UNC79: variants seen among roughly 807,000 people sequenced by gnomAD.
The protein encoded by UNC79 is protein unc-79 homolog.
In UNC79, 37 loss-of-function variants were observed where a neutral mutation model predicts 283.1. The ratio of observed to expected loss-of-function variants is 0.13; its 90% CI spans 0.10 to 0.17. The LOEUF (loss-of-function observed/expected upper bound fraction) is 0.17. UNC79 is among the 10% of genes least tolerant of loss of function. The probability of loss-of-function intolerance (pLI) is 1.00; values close to 1 mark genes in which losing one functional copy is unlikely to be tolerated. For synonymous variants in UNC79, 1,107 were observed against 1,200.2 expected, an observed-to-expected ratio of 0.92 and a Z score of 1.61; for missense variants, 2,272 against 3,211.1, an observed-to-expected ratio of 0.71 and a Z score of 7.07.
At chr14:93,603,099 C>A in intron 25 of UNC79, 140 bp from the exon 26 acceptor site, 2 of 953,664 alleles carry the variant, frequency 2.1e-6, no homozygotes, top group Non-Finnish European at 3.1e-6. Context: ...GTATGTAGGA[C>A]TCATCATAGA....
chr14:93,406,138 T>C (rs1292229845), intron 1 of UNC79, among the ~76,000 whole-genome samples: 3 of 152,222 alleles, frequency 2.0e-5, no homozygotes, highest in East Asian at 1.9e-4. Context: ...TTTGATACTA[T>C]AATTGGATGA....
intron 1 of UNC79, chr14:93,466,988 T>A: frequency 1.2e-6 from 1 of 829,966 alleles, no homozygotes; most frequent in Non-Finnish European, 1.5e-6. Context: ...TATTAGGAAG[T>A]CTCCTAATTT....
chr14:93,528,309 A>G (rs2060636938), intron 8 of UNC79, among the ~76,000 whole-genome samples: 1 of 152,236 alleles, frequency 6.6e-6, no homozygotes, highest in African/African-American at 2.4e-5. Context: ...ATTTCTTGAC[A>G]CTATTTATTA....
chr14:93,407,966 T>A (rs527492554), intron 1 of UNC79, among the ~76,000 whole-genome samples: 89 of 152,286 alleles, frequency 5.8e-4, no homozygotes, highest in African/African-American at 2.0e-3. Context: ...AAGCACAGAC[T>A]AACTCTCAGC....
rs1366949639 is a variant in UNC79 at position 93,706,840 on chromosome 14, A to T, written c.7727A>T (p.Gln2576Leu). Residue 2576 changes from glutamine to leucine, a missense_variant, in exon 49 of 49, where the codon CAG (glutamine) becomes CTG (leucine). Physicochemically the swap from Gln to Leu is moderately radical, Grantham distance 113. Coordinates refer to ENST00000555664, the Ensembl canonical transcript of UNC79. ...CTCCGAAAGTGGTTGCAGTGCACTC[A>T]GTTCAAAATGGCCCAGGTGGAGATC... is the stretch of plus-strand genomic sequence containing the variant. 10 of 1,614,224 alleles carry T rather than the reference A, an allele frequency of 6.2e-6. 1 individual carries two copies. Among genetic ancestry groups the T allele is most frequent in the Non-Finnish European group, 8.5e-6 (10 of 1,180,042 alleles).
intron 44 of UNC79, chr14:93,689,875 T>G (rs78945534): frequency 0.013 from 6,402 of 481,404 alleles, 320 homozygotes; most frequent in African/African-American, 0.11. Flanking sequence ...TGTGGAAGAA[T>G]GCTGTGTAAT....
intron 40 of UNC79, among the ~76,000 whole-genome samples, chr14:93,663,103 A>G (rs2071780397): frequency 6.6e-6 from 1 of 152,194 alleles, no homozygotes; most frequent in African/African-American, 2.4e-5. Context: ...AAGTAGAAAA[A>G]TATCAGCTGT....
chr14:93,568,120 C>T (rs9323892), intron 14 of UNC79, among the ~76,000 whole-genome samples: 89,857 of 151,910 alleles, frequency 0.59, 27,421 homozygotes, highest in Admixed American at 0.67. Context: ...CTTGACATTT[C>T]CCTTTAGCTT....
intron 41 of UNC79, among the ~76,000 whole-genome samples, chr14:93,681,127 T>C (rs1333719619): frequency 6.6e-6 from 1 of 152,228 alleles, no homozygotes; most frequent in East Asian, 1.9e-4. Context: ...TCAGAGTTAA[T>C]GGCTAAATAG....
chr14:93,434,366 G>A (rs903392051), intron 1 of UNC79, among the ~76,000 whole-genome samples: 49 of 152,130 alleles, frequency 3.2e-4, no homozygotes, highest in South Asian at 4.1e-4. Flanking sequence ...GATTGCAGAA[G>A]AGTTAAATTT....
chr14:93,519,006 G>A lies in UNC79; in HGVS notation c.899-4972G>A, dbSNP rs530462998. On this transcript the variant is annotated intron_variant, in intron 7 of 48. Coordinates refer to ENST00000555664, the Ensembl canonical transcript of UNC79. Reference sequence around the variant, plus strand: ...TTAAAACAATGTGTATTCCACAGTGGTTGAGTGGAGATTTCTAACATTATA... The same window carrying A: ...TTAAAACAATGTGTATTCCACAGTGATTGAGTGGAGATTTCTAACATTATA... Among the ~76,000 whole-genome samples, 26 of 151,976 alleles carry A rather than the reference G, an allele frequency of 1.7e-4. No individual in the cohort carries two copies. In the South Asian group the frequency reaches 5.0e-3, roughly 29 times the overall value.
chr14:93,468,867 C>T (rs2057355340), intron 2 of UNC79, among the ~76,000 whole-genome samples: 1 of 152,180 alleles, frequency 6.6e-6, no homozygotes, highest in Non-Finnish European at 1.5e-5. Context: ...AGGTTAGGAC[C>T]TCTTACAGGA....
chr14:93,706,949 A>T (rs770225561), downstream of UNC79: 2 of 1,604,164 alleles, frequency 1.2e-6, no homozygotes, highest in Non-Finnish European at 1.7e-6. Flanking sequence ...TTTAGCAATA[A>T]TGGGTTTAAA....
intron 1 of UNC79, among the ~76,000 whole-genome samples, chr14:93,391,786 T>G (rs2054888956): frequency 6.6e-6 from 1 of 152,098 alleles, no homozygotes; most frequent in Non-Finnish European, 1.5e-5. Context: ...AAAAGACGAT[T>G]TATATAAAAT....
exon 9 of UNC79, chr14:93,528,574 C>T (rs267604101): frequency 7.4e-6 from 12 of 1,613,760 alleles, no homozygotes; most frequent in Non-Finnish European, 1.0e-5. Flanking sequence ...ATAGACCCTT[C>T]CCTGTCAGTA....
At chr14:93,389,613 A>G (rs571154282) in intron 1 of UNC79, among the ~76,000 whole-genome samples, 111 of 151,834 alleles carry the variant, frequency 7.3e-4, no homozygotes, top group African/African-American at 2.6e-3. Flanking sequence ...AGAAGCACCA[A>G]CCTAATACAA....
chr14:93,486,527 G>T (rs530658522), intron 4 of UNC79, among the ~76,000 whole-genome samples: 2 of 151,828 alleles, frequency 1.3e-5, no homozygotes, highest in African/African-American at 4.8e-5. Context: ...GGGGGCAGGC[G>T]CCTGTAATCC....
At chr14:93,361,336 A>G (rs1354865456) in intron 1 of UNC79, among the ~76,000 whole-genome samples, 1 of 151,346 alleles carries the variant, frequency 6.6e-6, no homozygotes, top group Non-Finnish European at 1.5e-5. Flanking sequence ...ACTCCGGCCC[A>G]TTTATTGAGA....
At position 93,485,868 on chromosome 14, in the gene UNC79, T is replaced by C. The variant is rs539201148; in HGVS notation, c.620-1795T>C. Among the ~76,000 whole-genome samples the C allele has an allele frequency of 1.0e-3, 159 of 152,336 alleles. 1 individual carries two copies. The highest frequency in any genetic ancestry group is 3.6e-3 in the African/African-American group (150 of 41,576). On this transcript the variant is annotated intron_variant, in intron 4 of 48. Transcript: ENST00000555664. ...TGTTTGTTTATTTCTGTAAAATTGT[T>C]TTAAAGGCCACTGTCTACTTTGGTG... is the stretch of plus-strand genomic sequence containing the variant.
Sources: allele counts gnomAD v4.1 joint callset (sites outside exome capture counted in the v4.1 genomes callset), GRCh38; gene constraint gnomAD v4.1.1; transcripts MANE v1.5; gene names NCBI Gene and HGNC (gene_info 2026-07-23, HGNC 2026-07-21).